Variants in UCK2 observed in about 807,000 individuals in gnomAD.
The protein encoded by UCK2 is cytidine monophosphokinase 2.
Under a neutral mutation model 30.8 loss-of-function variants are expected in UCK2, and 6 were observed. The ratio of observed to expected loss-of-function variants is 0.19; its 90% CI spans 0.11 to 0.38. The LOEUF (loss-of-function observed/expected upper bound fraction) is 0.38, where lower values mean the gene tolerates loss of function less well. Ranked by LOEUF, UCK2 falls within the 10% of genes least tolerant of loss-of-function variation. The pLI is 1.00. For missense variants in UCK2, 210 were observed against 339.8 expected, an observed-to-expected ratio of 0.62 and a Z score of 3.00; for synonymous variants, 125 against 133.6, an observed-to-expected ratio of 0.94 and a Z score of 0.45.
At chr1:165,830,643 A>G (rs1401024293) in intron 1 of UCK2, among the ~76,000 whole-genome samples, 3 of 152,142 alleles carry the variant, frequency 2.0e-5, no homozygotes, top group Non-Finnish European at 4.4e-5. Flanking sequence ...TTTTGTAGAG[A>G]CTAGGTCACC....
At chr1:165,857,441 T>C (rs1654776546) in intron 1 of UCK2, among the ~76,000 whole-genome samples, 1 of 152,188 alleles carries the variant, frequency 6.6e-6, no homozygotes, top group Admixed American at 6.5e-5. Flanking sequence ...GTAAGTGGCA[T>C]GATCTGGAGT....
At chr1:165,891,047 T>C (rs1292063455) in intron 2 of UCK2, 179 bp from the exon 3 acceptor site, 1 of 585,352 alleles carries the variant, frequency 1.7e-6, no homozygotes, top group African/African-American at 1.9e-5. Context: ...TACACCCTAT[T>C]TTGAGATACA....
At chr1:165,890,514 G>T in intron 2 of UCK2, 151 bp downstream of exon 2, 1 of 769,438 alleles carries the variant, frequency 1.3e-6, no homozygotes, top group Non-Finnish European at 2.1e-6. Flanking sequence ...TGTTATTGTG[G>T]GGCTTATGTG....
chr1:165,880,226 G>A (rs1428029566), intron 1 of UCK2, among the ~76,000 whole-genome samples: 1 of 152,136 alleles, frequency 6.6e-6, no homozygotes, highest in Non-Finnish European at 1.5e-5. Flanking sequence ...TTCGTTTTGT[G>A]TCTCATACCC....
chr1:165,860,109 C>G (rs1411103281), intron 1 of UCK2, among the ~76,000 whole-genome samples: 1 of 152,222 alleles, frequency 6.6e-6, no homozygotes, highest in African/African-American at 2.4e-5. Flanking sequence ...CTGTCCCCAC[C>G]TTAACCCTGT....
intron 1 of UCK2, among the ~76,000 whole-genome samples, chr1:165,841,748 T>C (rs1055927343): frequency 2.0e-5 from 3 of 152,160 alleles, no homozygotes; most frequent in Non-Finnish European, 4.4e-5. Context: ...GGTTGGTGTT[T>C]TTAAGCGTCT....
chr1:165,868,249 A>G (rs564770869), intron 1 of UCK2, among the ~76,000 whole-genome samples: 18 of 152,356 alleles, frequency 1.2e-4, no homozygotes, highest in African/African-American at 4.3e-4. Flanking sequence ...CAGGCAGAGT[A>G]GATGGAGCAT....
At chr1:165,891,641 A>C (rs1655772415) in intron 3 of UCK2, 1 of 263,652 alleles carries the variant, frequency 3.8e-6, no homozygotes, top group East Asian at 8.1e-5. Context: ...TGTTCCTGGA[A>C]CAAGATGTAA....
chr1:165,828,565 T>G (rs550290085), intron 1 of UCK2, among the ~76,000 whole-genome samples: 1 of 152,292 alleles, frequency 6.6e-6, no homozygotes, highest in African/African-American at 2.4e-5. Context: ...TAGTAGGGGC[T>G]TCTGTTTTTT....
rs1053003416 is a variant in UCK2, at chr1:165,831,689, T to C, written c.99+3757T>C. On this transcript the variant is annotated intron_variant, in intron 1 of 6. Transcript: ENST00000367879. ...GAAACCTTGGGTAACTCCCCACTGCTCAGTACAGGTCAAACACTTCAGTAC... is the reference window on the plus strand; with the variant it reads ...GAAACCTTGGGTAACTCCCCACTGCCCAGTACAGGTCAAACACTTCAGTAC... 3.3e-5 allele frequency among the ~76,000 whole-genome samples: 5 copies of C among 152,194 alleles called. No homozygotes were observed. The East Asian group carries it at 9.6e-4, about 29-fold the overall frequency.
chr1:165,858,421 C>T (rs1416743569), intron 1 of UCK2, among the ~76,000 whole-genome samples: 18 of 152,180 alleles, frequency 1.2e-4, no homozygotes, highest in Admixed American at 8.5e-4. Flanking sequence ...GTTCCCAGTC[C>T]ACCCCCTTGG....
chr1:165,837,971 G>C (rs1240732457), intron 1 of UCK2, among the ~76,000 whole-genome samples: 1 of 152,188 alleles, frequency 6.6e-6, no homozygotes, highest in East Asian at 1.9e-4. Context: ...TAGCCTCTCA[G>C]GCTGTCTAGA....
chr1:165,864,167 C>T (rs1056078921), intron 1 of UCK2, among the ~76,000 whole-genome samples: 32 of 152,162 alleles, frequency 2.1e-4, no homozygotes, highest in Non-Finnish European at 4.7e-4. Context: ...AGGCTGGTCT[C>T]GAACTCTTGA....
rs141627728 is a variant in UCK2, at chr1:165,888,999, A to T, written c.100-1205A>T. ...AAGGGAAAAAGGGGCAGACACATGTATTACTATCTGTTTTTCTTTTTTTTA... is the reference window on the plus strand; with the variant it reads ...AAGGGAAAAAGGGGCAGACACATGTTTTACTATCTGTTTTTCTTTTTTTTA... On this transcript the variant is annotated intron_variant, in intron 1 of 6. Transcript: ENST00000367879. 5.4e-3 allele frequency among the ~76,000 whole-genome samples: 819 copies of T among 152,338 alleles called. 6 individuals are homozygous for T. The highest frequency in any genetic ancestry group is 0.019 in the African/African-American group (774 of 41,576).
chr1:165,875,243 G>A (rs1424203187), intron 1 of UCK2, among the ~76,000 whole-genome samples: 1 of 152,182 alleles, frequency 6.6e-6, no homozygotes, highest in Admixed American at 6.5e-5. Context: ...GGATGCCAGT[G>A]TTCTAAGAGG....
chr1:165,874,731 T>G (rs1184239710), intron 1 of UCK2, among the ~76,000 whole-genome samples: 1 of 152,158 alleles, frequency 6.6e-6, no homozygotes, highest in Non-Finnish European at 1.5e-5. Context: ...TTTTCTTCCA[T>G]CTATAGGTTG....
chr1:165,834,658 T>A (rs902255048), intron 1 of UCK2, among the ~76,000 whole-genome samples: 3 of 152,146 alleles, frequency 2.0e-5, no homozygotes, highest in Admixed American at 1.3e-4. Flanking sequence ...CTCTGAAAAA[T>A]TCAGTTTGCT....
intron 1 of UCK2, among the ~76,000 whole-genome samples, chr1:165,842,249 CCT>C (rs1354098021): frequency 6.6e-6 from 1 of 151,866 alleles, no homozygotes; most frequent in Non-Finnish European, 1.5e-5. Context: ...TTCTTGATTC[CCT>C]GTTTTTTCCC....
At chr1:165,897,943 G>C (rs1320307222) in intron 4 of UCK2, 2 of 152,184 alleles carry the variant, frequency 1.3e-5, no homozygotes, top group Non-Finnish European at 2.9e-5. Flanking sequence ...ACCCCGGCTT[G>C]GGTTTCTTTA....
Sources: allele counts gnomAD v4.1 joint callset (sites outside exome capture counted in the v4.1 genomes callset), GRCh38; gene constraint gnomAD v4.1.1; transcripts MANE v1.5; gene names NCBI Gene and HGNC (gene_info 2026-07-23, HGNC 2026-07-21).